The following ERICH3 variants were observed in gnomAD, a reference collection of about 807,000 sequenced individuals.
ERICH3 encodes the protein glutamate rich 3, also known as glutamate-rich protein 3.
Under a neutral mutation model 131.1 loss-of-function variants are expected in ERICH3, and 126 were observed. The observed-to-expected ratio is 0.96, with a 90% CI of 0.83 to 1.11. ERICH3 has a LOEUF of 1.11. ERICH3 is among the 50% of genes most tolerant of loss of function. The pLI is 0.00. For synonymous variants in ERICH3, 695 were observed against 644.6 expected (o/e 1.08, Z -1.18); for missense variants, 2,050 against 1,810.7 (o/e 1.13, Z -2.40).
chr1:74,590,229 T>C (rs184495871), intron 11 of ERICH3, 149 bp from the exon 12 acceptor site: 19 of 743,576 alleles, frequency 2.6e-5, no homozygotes, highest in Non-Finnish European at 3.9e-5. Flanking sequence ...GTCTACTCAG[T>C]GGTCCCCAAT....
intron 13 of ERICH3, among the ~76,000 whole-genome samples, chr1:74,576,343 T>G (rs776099019): frequency 1.3e-5 from 2 of 152,192 alleles, no homozygotes; most frequent in Non-Finnish European, 2.9e-5. Context: ...AATAAATATT[T>G]GGGAAGGTGC....
rs773283033 is a variant in ERICH3 at position 74,649,173 on chromosome 1, T to C, written c.117+49A>G. On this transcript the variant is annotated intron_variant, in intron 2 of 14. Transcript: ENST00000326665. ...GAAAGCCTGAAAAGGTAGGGAATTA[T>C]TGGACTTAATGAAACAAGAAGGTCA... 2.5e-5 allele frequency: 33 copies of C among 1,318,714 alleles called. 1 individual carries two copies. The South Asian group carries it at 3.9e-4, about 16-fold the overall frequency. The allele number at this position is 1,318,714 out of a possible 1,614,324, so 81.7% of individuals were successfully genotyped here. A position where few individuals can be genotyped will look rare whatever the true frequency, so the allele number is the denominator to read the frequency against.
intron 14 of ERICH3, 44 bp downstream of exon 14, chr1:74,571,055 A>G: frequency 1.3e-6 from 2 of 1,553,224 alleles, no homozygotes; most frequent in South Asian, 2.5e-5. Context: ...GACCCACCGC[A>G]GGGCTGCTAT....
Position 74,573,386 on chromosome 1 carries a change from A to G in ERICH3, c.2324T>C (p.Met775Thr), listed in dbSNP as rs755118599. The G allele has an allele frequency of 5.6e-6, 9 of 1,606,912 alleles. No homozygotes were observed. The highest frequency in any genetic ancestry group is 1.3e-5 in the African/African-American group (1 of 74,332). ...GTGCTGGGGCGCTTCATCTTCCTCC[A>G]TTGCTTCTTTCTTCTCCAGTGTATA... ...KTYTLEKKEAMEEDEAPQHRD... is the reference protein window; with the variant it reads ...KTYTLEKKEATEEDEAPQHRD... The change falls in exon 14 of 15, where the codon ATG becomes ACG. Residue 775 changes from methionine to threonine, a missense_variant. Met to Thr is a moderately conservative substitution (Grantham distance 81, BLOSUM62 -1). Coordinates refer to ENST00000326665, the MANE Select transcript of ERICH3 (RefSeq NM_001002912.5).
Position 74,649,240 on chromosome 1 carries a change from A to T in ERICH3, c.99T>A (p.His33Gln). The part of the protein sequence containing the change: ...GYFNNTRIRR[H>Q]LLRSGLITRS... ...AACTTACCAGTCCTGATCTTAAGAG[A>T]TGACGCCTTATCCTTGTATTGTTAA... The change falls in exon 2 of 15, where the codon CAT (histidine) becomes CAA (glutamine). Residue 33 changes from histidine to glutamine, a missense_variant. Coordinates refer to ENST00000326665, the MANE Select transcript of ERICH3 (RefSeq NM_001002912.5). 6.2e-7 allele frequency: 1 copy of T among 1,611,220 alleles called. No homozygotes were observed. The highest frequency in any genetic ancestry group is 8.5e-7 in the Non-Finnish European group (1 of 1,178,330).
In ERICH3 at chr1:74,599,918, G is replaced by A; in HGVS notation, c.1503C>T (p.Asp501=). 5.6e-6 allele frequency: 9 copies of A among 1,608,156 alleles called. No individual in the cohort carries two copies. The highest frequency in any genetic ancestry group is 7.6e-6 in the Non-Finnish European group (9 of 1,177,188). The change falls in exon 11 of 15, where the codon GAC becomes GAT. Residue 501 remains aspartate, a synonymous_variant. Transcript: ENST00000326665. The part of the protein sequence containing the change: ...ENTLKYEYEE[D]FEVDEEKQGE... ...CTTGTTTCTCCTCATCTACTTCAAA[G>A]TCTTCTTCATACTCTGAAATAGGAA...
chr1:74,606,781 ACTCT>A lies in ERICH3; in HGVS notation c.1305_1308del (p.Arg435SerfsTer3). 2 of 1,612,562 alleles carry A rather than the reference ACTCT, an allele frequency of 1.2e-6. No individual in the cohort carries two copies. The highest frequency in any genetic ancestry group is 1.3e-5 in the African/African-American group (1 of 74,608). On this transcript the variant is annotated frameshift_variant, in exon 10 of 15. Transcript: ENST00000326665. LOFTEE classifies it high-confidence loss of function. ...ATCTCATTTCTTTTTGGTATCACAT[ACTCT>A]CTCTCTTTCCTCACTTTCCCCTCAG...
chr1:74,585,205 C>A (rs1647273929), intron 12 of ERICH3, among the ~76,000 whole-genome samples: 1 of 152,150 alleles, frequency 6.6e-6, no homozygotes, highest in Non-Finnish European at 1.5e-5. Context: ...TGTCACAATG[C>A]ATGACAGCTT....
At chr1:74,570,970 G>T in intron 14 of ERICH3, 129 bp downstream of exon 14, 1 of 1,252,906 alleles carries the variant, frequency 8.0e-7, no homozygotes, top group Non-Finnish European at 1.1e-6. Flanking sequence ...AGGGCTAAGT[G>T]ACACAGAATT....
At chr1:74,583,328 C>G (rs548447578) in intron 12 of ERICH3, among the ~76,000 whole-genome samples, 4 of 152,030 alleles carry the variant, frequency 2.6e-5, no homozygotes, top group African/African-American at 7.2e-5. Flanking sequence ...GTATCAAACT[C>G]TATATATACT....
chr1:74,598,501 T>A lies in ERICH3; in HGVS notation c.1726+1194A>T, dbSNP rs1326637298. The stretch of plus-strand genomic sequence containing the variant: ...TTAAAAAGTTCTGAATGACCAAATA[T>A]TAATGAAGTAAAAAAAAATTGAATG... On this transcript the variant is annotated intron_variant, in intron 11 of 14. Coordinates refer to ENST00000326665, the MANE Select transcript of ERICH3 (RefSeq NM_001002912.5). 4.6e-5 allele frequency among the ~76,000 whole-genome samples: 7 copies of A among 151,848 alleles called. No individual in the cohort carries two copies. In the East Asian group the frequency reaches 1.4e-3, roughly 30 times the overall value.
At chr1:74,571,037 G>C (rs1646931717) in intron 14 of ERICH3, 62 bp downstream of exon 14, 3 of 1,533,560 alleles carry the variant, frequency 2.0e-6, no homozygotes, top group Non-Finnish European at 2.6e-6. Flanking sequence ...CCAGCCCCAA[G>C]GGGAGGAGAC....
At chr1:74,578,414 T>C (rs1387640869) in intron 12 of ERICH3, 1 of 152,490 alleles carries the variant, frequency 6.6e-6, no homozygotes, top group Non-Finnish European at 1.5e-5. Context: ...ATTCCCTTTC[T>C]ACATCCCTTG....
At chr1:74,670,958 G>T (rs1646737007) in intron 1 of ERICH3, among the ~76,000 whole-genome samples, 1 of 152,166 alleles carries the variant, frequency 6.6e-6, no homozygotes, top group Non-Finnish European at 1.5e-5. Context: ...GTCTTATGCG[G>T]TTGAGATAAG....
chr1:74,588,990 G>A (rs762658071), intron 12 of ERICH3, among the ~76,000 whole-genome samples: 3 of 152,088 alleles, frequency 2.0e-5, no homozygotes, highest in Admixed American at 6.6e-5. Flanking sequence ...TTACACAGAC[G>A]CAATAGGCAA....
At chr1:74,586,430 G>A (rs768809616) in intron 12 of ERICH3, 74 of 983,778 alleles carry the variant, frequency 7.5e-5, no homozygotes, top group African/African-American at 6.6e-4. Context: ...GCTATCCACC[G>A]TTATCCCTGG....
intron 1 of ERICH3, among the ~76,000 whole-genome samples, chr1:74,657,022 A>G (rs1340401363): frequency 1.3e-5 from 2 of 152,206 alleles, no homozygotes; most frequent in African/African-American, 2.4e-5. Flanking sequence ...AAATCAGTTA[A>G]TGGAAACAAA....
rs1648032156 is a variant in ERICH3, at chr1:74,599,731, C to G, written c.1690G>C (p.Gly564Arg). The change falls in exon 11 of 15, where the codon GGA becomes CGA. Residue 564 changes from glycine (G) to arginine (R), a missense_variant. By Grantham distance (125) the Gly-to-Arg change is moderately radical. Coordinates refer to ENST00000326665, the MANE Select transcript of ERICH3 (RefSeq NM_001002912.5). ...ARDNVKDEND[G>R]CSESELEEDK... ...TCTTCCAGTTCACTCTCAGAGCATC[C>G]ATCATTCTCATCTTTCACATTGTCA... is the stretch of plus-strand genomic sequence containing the variant. The G allele has an allele frequency of 1.9e-6, 3 of 1,611,830 alleles. No individual in the cohort carries two copies. The highest frequency in any genetic ancestry group is 1.7e-6 in the Non-Finnish European group (2 of 1,178,780).
At chr1:74,623,906 A>C (rs1377098809) in intron 7 of ERICH3, 1 of 152,166 alleles carries the variant, frequency 6.6e-6, no homozygotes, top group Non-Finnish European at 1.5e-5. Flanking sequence ...TGGCCCAAAC[A>C]CTATCAACTA....
Sources: allele counts gnomAD v4.1 joint callset (sites outside exome capture counted in the v4.1 genomes callset), GRCh38; gene constraint gnomAD v4.1.1; transcripts MANE v1.5; gene names NCBI Gene and HGNC (gene_info 2026-07-23, HGNC 2026-07-21).